Variants in ASTN1 observed in about 807,000 individuals in gnomAD.
ASTN1 encodes astrotactin-1.
A neutral mutation model predicts 140.7 loss-of-function variants in ASTN1; 41 were observed. The observed-to-expected ratio is 0.29, with a 90% CI of 0.23 to 0.38. The LOEUF (loss-of-function observed/expected upper bound fraction) is 0.38. ASTN1 is among the 10% of genes least tolerant of loss of function. The pLI, the probability that ASTN1 is intolerant of heterozygous loss-of-function variation, is 1.00. For missense variants in ASTN1, 1,479 were observed against 1,678.8 expected (o/e 0.88, Z 2.08); for synonymous variants, 640 against 652.2 (o/e 0.98, Z 0.29).
At chr1:177,145,073 C>A (rs1436907132) in intron 1 of ASTN1, among the ~76,000 whole-genome samples, 2 of 152,092 alleles carry the variant, frequency 1.3e-5, no homozygotes, top group Non-Finnish European at 2.9e-5. Context: ...CCTAGCCCAG[C>A]AAAATCTCTA....
rs1424858081 is a variant in ASTN1 at position 177,023,416 on chromosome 1, C to T, written c.1426G>A (p.Asp476Asn). ...TGCTCCCGCCTACCAGTTTCGGGGT[C>T]ACATTGGTGTTCACAGGGGTCCAGG... ...RLLDPCEHQC[D>N]PETGECLCYE... Residue 476 changes from aspartate to asparagine, a missense_variant, in exon 7 of 23, where the codon GAC becomes AAC. This residue lies in a region of ASTN1 where 729 missense variants were observed against 860.4 expected (regional missense o/e 0.85). Coordinates refer to ENST00000361833, the MANE Select transcript of ASTN1 (RefSeq NM_004319.3). The T allele has an allele frequency of 3.1e-6, 5 of 1,595,616 alleles. No homozygotes were observed. The highest frequency in any genetic ancestry group is 1.3e-5 in the African/African-American group (1 of 74,156).
chr1:177,054,053 C>G (rs1212848664), intron 2 of ASTN1, among the ~76,000 whole-genome samples: 3 of 152,180 alleles, frequency 2.0e-5, no homozygotes, highest in Admixed American at 2.0e-4. Context: ...ATGACACATA[C>G]TAAATATATA....
chr1:177,065,006 T>C (rs1678281144), intron 1 of ASTN1, among the ~76,000 whole-genome samples: 1 of 152,134 alleles, frequency 6.6e-6, no homozygotes, highest in African/African-American at 2.4e-5. Context: ...GAAGAGGAAA[T>C]GCTCAGAAAT....
intron 2 of ASTN1, among the ~76,000 whole-genome samples, chr1:177,038,188 C>G (rs530241486): frequency 6.6e-6 from 1 of 152,346 alleles, no homozygotes; most frequent in Admixed American, 6.5e-5. Context: ...CTAACTCCTA[C>G]TCATCCTTCA....
chr1:176,961,282 G>A (rs1672648632), intron 9 of ASTN1, among the ~76,000 whole-genome samples: 1 of 152,184 alleles, frequency 6.6e-6, no homozygotes, highest in Non-Finnish European at 1.5e-5. Flanking sequence ...AAAGGTTAAG[G>A]TGGAAATGAA....
intron 4 of ASTN1, among the ~76,000 whole-genome samples, 187 bp from the exon 5 acceptor site, chr1:177,029,928 C>T (rs886662575): frequency 1.1e-4 from 16 of 152,180 alleles, no homozygotes; most frequent in Non-Finnish European, 1.9e-4. Flanking sequence ...ACCATTGGGA[C>T]AGCAATCACT....
chr1:176,993,696 T>A (rs753066011), intron 8 of ASTN1, among the ~76,000 whole-genome samples: 14 of 152,178 alleles, frequency 9.2e-5, no homozygotes, highest in Non-Finnish European at 1.8e-4. Flanking sequence ...GCATTAGTAC[T>A]CTGGTAATCT....
intron 1 of ASTN1, among the ~76,000 whole-genome samples, chr1:177,077,692 T>C (rs1453313824): frequency 1.3e-5 from 2 of 152,302 alleles, no homozygotes; most frequent in Admixed American, 1.3e-4. Flanking sequence ...GCAAGGTTCA[T>C]GAGAAGACAG....
intron 1 of ASTN1, among the ~76,000 whole-genome samples, chr1:177,099,691 A>C (rs1680208857): frequency 6.6e-6 from 1 of 152,200 alleles, no homozygotes; most frequent in South Asian, 2.1e-4. Flanking sequence ...TTTGCTAAAA[A>C]GAGAGAGCAA....
chr1:177,143,091 C>G (rs1394229058), intron 1 of ASTN1, among the ~76,000 whole-genome samples: 1 of 152,184 alleles, frequency 6.6e-6, no homozygotes, highest in Non-Finnish European at 1.5e-5. Flanking sequence ...AGCTACCTTG[C>G]TCCGGAGTTC....
chr1:176,934,529 T>A (rs1671349613), intron 15 of ASTN1, among the ~76,000 whole-genome samples, 189 bp from the exon 16 acceptor site: 1 of 152,202 alleles, frequency 6.6e-6, no homozygotes, highest in South Asian at 2.1e-4. Context: ...AGTGAGTATC[T>A]TTTAAGCCAG....
intron 8 of ASTN1, among the ~76,000 whole-genome samples, chr1:177,010,316 C>T (rs144760535): frequency 3.4e-4 from 52 of 152,270 alleles, no homozygotes; most frequent in African/African-American, 1.2e-3. Context: ...TGAATTCATA[C>T]AGGGGAGACA....
At chr1:177,081,408 G>A (rs779435486) in intron 1 of ASTN1, among the ~76,000 whole-genome samples, 34 of 152,134 alleles carry the variant, frequency 2.2e-4, no homozygotes, top group Non-Finnish European at 4.0e-4. Context: ...ATGCAATAAA[G>A]GGTCAGTTGC....
chr1:177,018,028 G>A (rs1675644845), intron 7 of ASTN1, among the ~76,000 whole-genome samples: 1 of 152,144 alleles, frequency 6.6e-6, no homozygotes, highest in African/African-American at 2.4e-5. Context: ...TTCAGGAAGG[G>A]GTTGGCTTTT....
chr1:176,883,953 A>T (rs1268426906), intron 19 of ASTN1, among the ~76,000 whole-genome samples: 5 of 151,994 alleles, frequency 3.3e-5, no homozygotes, highest in Non-Finnish European at 5.9e-5. Context: ...TAGCAAAGGA[A>T]TTTTTTTTCT....
intron 1 of ASTN1, among the ~76,000 whole-genome samples, chr1:177,118,011 T>C (rs1024554282): frequency 1.3e-5 from 2 of 152,218 alleles, no homozygotes; most frequent in Non-Finnish European, 2.9e-5. Context: ...ATTATATGTA[T>C]ATATATTTGT....
In ASTN1 at chr1:176,884,500, GA is replaced by G. The variant is rs756904416; in HGVS notation, c.3075-11del. 4.4e-6 allele frequency: 7 copies of G among 1,596,586 alleles called. No homozygotes were observed. The highest frequency in any genetic ancestry group is 6.0e-6 in the Non-Finnish European group (7 of 1,166,254). The stretch of plus-strand genomic sequence containing the variant: ...CGTGGAGAGTCTCAGCCTGTGTGCA[GA>G]CAGGAAGGAACATGAAACAGGGACA... On this transcript the variant is annotated splice_polypyrimidine_tract_variant and intron_variant, in intron 18 of 22. Transcript: ENST00000361833.
At chr1:176,926,288 C>CAAAAAAAAAA (rs3041009) in intron 16 of ASTN1, among the ~76,000 whole-genome samples, 1 of 131,162 alleles carries the variant, frequency 7.6e-6, no homozygotes, top group Non-Finnish European at 1.7e-5. Flanking sequence ...AGTGCCTGCT[C>CAAAAAAAAAA]AAAAAAAAAA....
chr1:176,936,175 A>G (rs895188519), intron 15 of ASTN1, 91 bp downstream of exon 15: 7 of 1,136,870 alleles, frequency 6.2e-6, no homozygotes, highest in Non-Finnish European at 7.9e-6. Context: ...TTTAGGCTGC[A>G]TCTTCGACAG....
Sources: allele counts gnomAD v4.1 joint callset (sites outside exome capture counted in the v4.1 genomes callset), GRCh38; gene constraint gnomAD v4.1.1; regional missense constraint gnomAD v4.1.1; transcripts MANE v1.5; gene names NCBI Gene and HGNC (gene_info 2026-07-23, HGNC 2026-07-21).